GULP1: variants seen among roughly 807,000 people sequenced by gnomAD.
GULP1 encodes the protein PTB domain-containing engulfment adapter protein 1.
In GULP1, 19 loss-of-function variants were observed where a neutral mutation model predicts 40.9. That is an observed-to-expected ratio of 0.46 (90% CI 0.32 to 0.68). The LOEUF is 0.68. Among genes scored for constraint, GULP1 ranks in the 30% least tolerant of loss-of-function variants. The pLI, the probability that GULP1 is intolerant of heterozygous loss-of-function variation, is 0.03. For synonymous variants in GULP1, 119 were observed against 117.6 expected, an observed-to-expected ratio of 1.01 and a Z score of -0.08; for missense variants, 312 against 362.2, an observed-to-expected ratio of 0.86 and a Z score of 1.12.
chr2:188,405,281 C>T (rs1047744257), intron 2 of GULP1, among the ~76,000 whole-genome samples: 1 of 152,088 alleles, frequency 6.6e-6, no homozygotes, highest in South Asian at 2.1e-4. Flanking sequence ...CACCCATGAT[C>T]TCAGCCCCCT....
intron 10 of GULP1, among the ~76,000 whole-genome samples, chr2:188,586,994 C>T (rs1459226922): frequency 1.3e-5 from 2 of 151,824 alleles, no homozygotes; most frequent in African/African-American, 4.8e-5. Flanking sequence ...GTAAAGTTCT[C>T]TGCAAAATGA....
intron 1 of GULP1, among the ~76,000 whole-genome samples, chr2:188,298,840 A>G (rs1348521215): frequency 2.0e-5 from 3 of 152,196 alleles, no homozygotes; most frequent in African/African-American, 7.2e-5. Context: ...TGTTGGAAGT[A>G]AATGCTCGGT....
chr2:188,400,472 A>G (rs1317843802), intron 2 of GULP1, among the ~76,000 whole-genome samples: 1 of 152,122 alleles, frequency 6.6e-6, no homozygotes, highest in Non-Finnish European at 1.5e-5. Flanking sequence ...GGGTCTGGGT[A>G]AGAGGTGGAG....
At chr2:188,348,618 G>A (rs1038841115) in intron 1 of GULP1, among the ~76,000 whole-genome samples, 10 of 144,364 alleles carry the variant, frequency 6.9e-5, no homozygotes, top group African/African-American at 2.0e-4. Flanking sequence ...AGAATATCAC[G>A]ATACTGAAAG....
chr2:188,540,616 A>G (rs997833313), intron 6 of GULP1, among the ~76,000 whole-genome samples: 1 of 152,076 alleles, frequency 6.6e-6, no homozygotes, highest in African/African-American at 2.4e-5. Flanking sequence ...CTTCCTAGAC[A>G]GAACAGGTTC....
At chr2:188,392,880 G>A (rs2050714194) in intron 2 of GULP1, among the ~76,000 whole-genome samples, 1 of 151,916 alleles carries the variant, frequency 6.6e-6, no homozygotes, top group African/African-American at 2.4e-5. Flanking sequence ...TAATTTCCAT[G>A]TATTTGTATA....
intron 2 of GULP1, among the ~76,000 whole-genome samples, chr2:188,433,901 T>C (rs2057154515): frequency 2.0e-5 from 3 of 151,328 alleles, no homozygotes; most frequent in Admixed American, 1.3e-4. Context: ...TAAAGAAGAG[T>C]GGCCTCAATC....
chr2:188,554,429 T>A (rs1407826165), intron 7 of GULP1, among the ~76,000 whole-genome samples: 1 of 151,976 alleles, frequency 6.6e-6, no homozygotes, highest in Non-Finnish European at 1.5e-5. Context: ...GTTGTTTAAT[T>A]TTCATGTATT....
intron 9 of GULP1, among the ~76,000 whole-genome samples, chr2:188,578,122 T>C (rs1700529423): frequency 6.6e-6 from 1 of 152,046 alleles, no homozygotes. Context: ...CTTTGGATAT[T>C]TTTATTGCCA....
intron 5 of GULP1, among the ~76,000 whole-genome samples, chr2:188,526,268 C>G (rs34930495): frequency 0.024 from 3,674 of 152,184 alleles, 58 homozygotes; most frequent in Middle Eastern, 0.068. Context: ...TCCAGTCATT[C>G]TCCAAAATGC....
At chr2:188,332,595 G>C (rs906736081) in intron 1 of GULP1, among the ~76,000 whole-genome samples, 1 of 152,274 alleles carries the variant, frequency 6.6e-6, no homozygotes, top group African/African-American at 2.4e-5. Context: ...GGAAGAAAAA[G>C]TGGCATAAAT....
chr2:188,428,022 C>A (rs1007679989), intron 2 of GULP1, among the ~76,000 whole-genome samples: 12 of 152,220 alleles, frequency 7.9e-5, no homozygotes, highest in African/African-American at 2.9e-4. Flanking sequence ...CCCATTGCAT[C>A]AGTATGCCCT....
intron 2 of GULP1, among the ~76,000 whole-genome samples, chr2:188,440,414 A>G (rs2057810886): frequency 6.6e-6 from 1 of 152,214 alleles, no homozygotes; most frequent in Non-Finnish European, 1.5e-5. Flanking sequence ...CGGGGCATTA[A>G]TTAATTTCGG....
At chr2:188,411,266 G>A (rs557302215) in intron 2 of GULP1, among the ~76,000 whole-genome samples, 5 of 145,348 alleles carry the variant, frequency 3.4e-5, no homozygotes, top group South Asian at 2.2e-4. Flanking sequence ...ACAGACCCCC[G>A]CAGGGGTCCA....
At chr2:188,465,971 ATG>A (rs139512748) in intron 2 of GULP1, among the ~76,000 whole-genome samples, 7,573 of 148,658 alleles carry the variant, frequency 0.051, 292 homozygotes, top group African/African-American at 0.1. Flanking sequence ...GTGTGTGTAT[ATG>A]TGTGTGTGTG....
At chr2:188,328,454 G>T (rs971027547) in intron 1 of GULP1, among the ~76,000 whole-genome samples, 1 of 152,022 alleles carries the variant, frequency 6.6e-6, no homozygotes, top group African/African-American at 2.4e-5. Flanking sequence ...ATATTATCCT[G>T]GTTGCTATTT....
chr2:188,372,600 G>C (rs1329246100), intron 1 of GULP1, among the ~76,000 whole-genome samples: 1 of 151,968 alleles, frequency 6.6e-6, no homozygotes, highest in African/African-American at 2.4e-5. Flanking sequence ...AGAGAGGGAG[G>C]TTAGGTATTA....
intron 7 of GULP1, among the ~76,000 whole-genome samples, chr2:188,548,210 TTGTC>T (rs1692488541): frequency 6.6e-6 from 1 of 152,078 alleles, no homozygotes; most frequent in South Asian, 2.1e-4. Flanking sequence ...GATGGCATGA[TTGTC>T]TAAGTAGAAA....
At chr2:188,366,825 C>T (rs1256278332) in intron 1 of GULP1, among the ~76,000 whole-genome samples, 3 of 152,086 alleles carry the variant, frequency 2.0e-5, no homozygotes, top group Non-Finnish European at 4.4e-5. Flanking sequence ...GATCTTCTGA[C>T]CTCATGATCC....
Sources: allele counts gnomAD v4.1 joint callset (sites outside exome capture counted in the v4.1 genomes callset), GRCh38; gene constraint gnomAD v4.1.1; transcripts MANE v1.5; gene names NCBI Gene and HGNC (gene_info 2026-07-23, HGNC 2026-07-21).